NR3C1: variants seen among roughly 807,000 people sequenced by gnomAD.
The protein encoded by NR3C1 is glucocorticoid receptor.
In NR3C1, 14 loss-of-function variants were observed where a neutral mutation model predicts 74.0. The ratio of observed to expected loss-of-function variants is 0.19; its 90% CI spans 0.12 to 0.30. The LOEUF (loss-of-function observed/expected upper bound fraction) is 0.30, where lower values mean the gene tolerates loss of function less well. NR3C1 is among the 10% of genes least tolerant of loss of function. The pLI is 1.00. For missense variants in NR3C1, 695 were observed against 909.8 expected (o/e 0.76, Z 3.04); for synonymous variants, 308 against 332.5 (o/e 0.93, Z 0.80).
chr5:143,386,113 C>G (rs1276551543), intron 2 of NR3C1, among the ~76,000 whole-genome samples: 1 of 152,112 alleles, frequency 6.6e-6, no homozygotes, highest in Non-Finnish European at 1.5e-5. Flanking sequence ...GCAGGAGAGA[C>G]AGTGAGTGAA....
intron 2 of NR3C1, among the ~76,000 whole-genome samples, chr5:143,384,608 G>A (rs1015865173): frequency 6.6e-6 from 1 of 152,208 alleles, no homozygotes; most frequent in African/African-American, 2.4e-5. Flanking sequence ...CTGCAGGACA[G>A]TCATTAAATC....
At chr5:143,403,010 G>A (rs1226423078) in intron 1 of NR3C1, among the ~76,000 whole-genome samples, 37 of 151,628 alleles carry the variant, frequency 2.4e-4, no homozygotes, top group Non-Finnish European at 5.0e-4. Context: ...GACGCCTGCG[G>A]AGGGAGAGGA....
chr5:143,334,103 C>T (rs1430342260), intron 2 of NR3C1, among the ~76,000 whole-genome samples: 1 of 152,076 alleles, frequency 6.6e-6, no homozygotes, highest in Admixed American at 6.5e-5. Flanking sequence ...AGTAGCTGGC[C>T]GGTCGTGGTG....
intron 2 of NR3C1, 65 bp from the exon 3 acceptor site, chr5:143,314,233 T>C: frequency 6.5e-7 from 1 of 1,541,038 alleles, no homozygotes; most frequent in South Asian, 1.2e-5. Context: ...ACAGTTCTCT[T>C]AGCTTCTCAC....
At chr5:143,412,859 C>CTT (rs1385275090) in intron 1 of NR3C1, among the ~76,000 whole-genome samples, 2 of 152,180 alleles carry the variant, frequency 1.3e-5, no homozygotes, top group Non-Finnish European at 2.9e-5. Context: ...ATGACTAACA[C>CTT]TTTGAGGATT....
intron 2 of NR3C1, among the ~76,000 whole-genome samples, chr5:143,319,275 T>G (rs1052512392): frequency 1.3e-5 from 2 of 152,156 alleles, no homozygotes; most frequent in South Asian, 2.1e-4. Flanking sequence ...CTTACTAAAT[T>G]AGAGGCTTCC....
chr5:143,353,916 G>A (rs940936626), intron 2 of NR3C1, among the ~76,000 whole-genome samples: 4 of 152,158 alleles, frequency 2.6e-5, no homozygotes, highest in African/African-American at 9.7e-5. Flanking sequence ...AGTCCTAGAT[G>A]GCATCTTCTT....
chr5:143,324,746 C>T (rs962197349), intron 2 of NR3C1, among the ~76,000 whole-genome samples: 2 of 152,196 alleles, frequency 1.3e-5, no homozygotes, highest in Non-Finnish European at 2.9e-5. Flanking sequence ...AAACAGAATG[C>T]TTTTAACAGC....
rs545751625 is a variant in NR3C1 at position 143,371,755 on chromosome 5, T to C, written c.1184+27901A>G. 4.4e-4 allele frequency among the ~76,000 whole-genome samples: 67 copies of C among 152,358 alleles called. No homozygotes were observed. In the South Asian group the frequency reaches 7.2e-3, roughly 16 times the overall value. ...TTATTGTTAAATGGGATCACAAATG[T>C]GAACGTTCTGTAAATACTAAGAGTT... On this transcript the variant is annotated intron_variant, in intron 2 of 8. Coordinates refer to ENST00000394464, the MANE Select transcript of NR3C1 (RefSeq NM_000176.3).
intron 2 of NR3C1, among the ~76,000 whole-genome samples, chr5:143,358,520 T>A (rs886170649): frequency 1.3e-5 from 2 of 152,210 alleles, no homozygotes; most frequent in African/African-American, 4.8e-5. Flanking sequence ...CATAAGAGCC[T>A]CCTCTTTGCC....
rs72542762 is a variant in NR3C1 at position 143,280,415 on chromosome 5, A to G, written c.*1474T>C. On this transcript the variant is annotated 3_prime_UTR_variant, in exon 9 of 9. Coordinates refer to ENST00000394464, the MANE Select transcript of NR3C1 (RefSeq NM_000176.3). Reference sequence around the variant, plus strand: ...TTTAATATTAGATTTTCAGTTTTCTATTACACAAATAATTTGGCCACCTTG... The same window carrying G: ...TTTAATATTAGATTTTCAGTTTTCTGTTACACAAATAATTTGGCCACCTTG... 6 of 152,636 alleles carry G rather than the reference A, an allele frequency of 3.9e-5. No homozygotes were observed. Among genetic ancestry groups the G allele is most frequent in the African/African-American group, 7.2e-5 (3 of 41,468 alleles). The allele number at this position is 152,636 out of a possible 1,614,324, so 9.5% of individuals were successfully genotyped here.
At chr5:143,298,942 A>G (rs1174174836) in intron 5 of NR3C1, 130 bp from the exon 6 acceptor site, 1 of 814,596 alleles carries the variant, frequency 1.2e-6, no homozygotes, top group African/African-American at 1.7e-5. Flanking sequence ...ATGGAAATTA[A>G]ATACTAGGTA....
At chr5:143,319,029 C>T (rs1028956333) in intron 2 of NR3C1, among the ~76,000 whole-genome samples, 28 of 152,186 alleles carry the variant, frequency 1.8e-4, no homozygotes, top group Admixed American at 7.9e-4. Flanking sequence ...AAATAAAGTA[C>T]GTGTTACTGT....
At chr5:143,316,136 GA>G (rs1361933011) in intron 2 of NR3C1, among the ~76,000 whole-genome samples, 2 of 152,202 alleles carry the variant, frequency 1.3e-5, no homozygotes, top group African/African-American at 4.8e-5. Context: ...GGCCACCCCT[GA>G]TTAATGGAAA....
At chr5:143,394,456 T>G (rs1201211114) in intron 2 of NR3C1, among the ~76,000 whole-genome samples, 1 of 151,848 alleles carries the variant, frequency 6.6e-6, no homozygotes, top group African/African-American at 2.4e-5. Flanking sequence ...AAGAAAAGGG[T>G]TGCTCTCCAG....
chr5:143,398,913 T>C (rs116223317), intron 2 of NR3C1, among the ~76,000 whole-genome samples: 34 of 152,310 alleles, frequency 2.2e-4, no homozygotes, highest in African/African-American at 7.9e-4. Context: ...CTTAACAATT[T>C]TGGCCATCAG....
At chr5:143,408,585 A>G (rs1841193566), upstream of NR3C1, among the ~76,000 whole-genome samples, 1 of 150,894 alleles carries the variant, frequency 6.6e-6, no homozygotes, top group Non-Finnish European at 1.5e-5. Flanking sequence ...TATCTCGGCC[A>G]TGGGACCCAA....
intron 2 of NR3C1, among the ~76,000 whole-genome samples, chr5:143,345,596 A>G (rs540097998): frequency 1.3e-5 from 2 of 152,356 alleles, no homozygotes; most frequent in Non-Finnish European, 1.5e-5. Flanking sequence ...AAAAATGCTC[A>G]GCAAGCCTGC....
At chr5:143,333,035 G>T in intron 2 of NR3C1, 1 of 1,593,854 alleles carries the variant, frequency 6.3e-7, no homozygotes, top group Non-Finnish European at 8.5e-7. Flanking sequence ...ACCTGGGGAA[G>T]TTTGGCTTCA....
Sources: allele counts gnomAD v4.1 joint callset (sites outside exome capture counted in the v4.1 genomes callset), GRCh38; gene constraint gnomAD v4.1.1; transcripts MANE v1.5; gene names NCBI Gene and HGNC (gene_info 2026-07-23, HGNC 2026-07-21).